GSK3B: variants seen among roughly 807,000 people sequenced by gnomAD.
The protein encoded by GSK3B is glycogen synthase kinase-3 beta.
GSK3B carries 15 observed loss-of-function variants against 56.4 expected under a neutral mutation model. The observed-to-expected ratio is 0.27, with a 90% CI of 0.18 to 0.41. The LOEUF is 0.41. GSK3B is among the 10% of genes least tolerant of loss of function. The pLI is 1.00. For synonymous variants in GSK3B, 181 were observed against 188.9 expected (o/e 0.96, Z 0.34); for missense variants, 300 against 513.4 (o/e 0.58, Z 4.02).
At chr3:119,988,904 A>T (rs2057539203) in intron 2 of GSK3B, among the ~76,000 whole-genome samples, 3 of 152,228 alleles carry the variant, frequency 2.0e-5, no homozygotes, top group African/African-American at 7.2e-5. Context: ...TTTTAATAAA[A>T]ATGGGAAACT....
chr3:119,847,368 T>C (rs2055870085), intron 9 of GSK3B, among the ~76,000 whole-genome samples: 1 of 151,848 alleles, frequency 6.6e-6, no homozygotes, highest in Non-Finnish European at 1.5e-5. Flanking sequence ...TGATCCCAGG[T>C]ACTTGGGAGG....
At chr3:120,030,534 C>A (rs1274419666) in intron 1 of GSK3B, among the ~76,000 whole-genome samples, 1 of 152,214 alleles carries the variant, frequency 6.6e-6, no homozygotes, top group African/African-American at 2.4e-5. Flanking sequence ...CCCTTGCTCA[C>A]AATCCTTCAG....
intron 7 of GSK3B, among the ~76,000 whole-genome samples, chr3:119,886,646 G>T (rs1359961630): frequency 6.6e-6 from 1 of 152,050 alleles, no homozygotes; most frequent in Non-Finnish European, 1.5e-5. Context: ...CAGTGGACTA[G>T]ATAAAGAAAA....
chr3:119,882,658 T>C (rs764719372), intron 7 of GSK3B, among the ~76,000 whole-genome samples: 5 of 152,174 alleles, frequency 3.3e-5, no homozygotes, highest in Non-Finnish European at 4.4e-5. Context: ...CTTTAATATA[T>C]ACCAGAAAAT....
At chr3:119,973,481 A>T (rs1041274166) in intron 2 of GSK3B, among the ~76,000 whole-genome samples, 1 of 152,140 alleles carries the variant, frequency 6.6e-6, no homozygotes, top group African/African-American at 2.4e-5. Context: ...AGGATCATTC[A>T]CAGCAGATTA....
In GSK3B at chr3:119,992,976, G is replaced by C. The variant is rs955395602; in HGVS notation, c.282+9070C>G. On this transcript the variant is annotated intron_variant, in intron 2 of 10. Transcript: ENST00000264235. ...CAACAGGCACTCATACTTAACTAGA[G>C]AGAATGCAAATTGGTATAACCTTTA... Among the ~76,000 whole-genome samples, 23 of 151,262 alleles carry C rather than the reference G, an allele frequency of 1.5e-4. 1 individual carries two copies. Among genetic ancestry groups the C allele is most frequent in the Admixed American group, 1.2e-3 (18 of 15,196 alleles).
intron 3 of GSK3B, 79 bp from the exon 4 acceptor site, chr3:119,923,562 C>T: frequency 1.7e-6 from 1 of 587,488 alleles, no homozygotes; most frequent in Non-Finnish European, 2.9e-6. Flanking sequence ...AGAGTAAATT[C>T]TCTAGATATT....
At chr3:119,959,648 G>A (rs958624633) in intron 2 of GSK3B, among the ~76,000 whole-genome samples, 3 of 151,596 alleles carry the variant, frequency 2.0e-5, no homozygotes, top group Non-Finnish European at 2.9e-5. Flanking sequence ...CTGAGTAGCT[G>A]GGATTACACG....
At chr3:119,891,692 C>A (rs1258417735) in intron 7 of GSK3B, among the ~76,000 whole-genome samples, 1 of 151,908 alleles carries the variant, frequency 6.6e-6, no homozygotes, top group Non-Finnish European at 1.5e-5. Context: ...AAACTGAGTC[C>A]TTTTTTGACT....
intron 3 of GSK3B, among the ~76,000 whole-genome samples, chr3:119,936,144 A>C (rs1247859911): frequency 6.6e-6 from 1 of 151,904 alleles, no homozygotes; most frequent in African/African-American, 2.4e-5. Context: ...GAAAGACTGA[A>C]TGCTTTGCCA....
chr3:119,935,831 T>C (rs1394608915), intron 3 of GSK3B, among the ~76,000 whole-genome samples: 1 of 152,138 alleles, frequency 6.6e-6, no homozygotes, highest in Non-Finnish European at 1.5e-5. Flanking sequence ...ATATCCCTTA[T>C]GAATATAGAT....
At chr3:119,846,009 T>C (rs2055850772) in intron 9 of GSK3B, among the ~76,000 whole-genome samples, 1 of 152,240 alleles carries the variant, frequency 6.6e-6, no homozygotes, top group East Asian at 1.9e-4. Context: ...TCTACAACCA[T>C]CTGATCTTTG....
chr3:119,995,572 C>T (rs144160202), intron 2 of GSK3B, among the ~76,000 whole-genome samples: 1 of 151,278 alleles, frequency 6.6e-6, no homozygotes, highest in African/African-American at 2.4e-5. Flanking sequence ...TCAAGTGATT[C>T]TCCTGCCTCA....
chr3:119,882,949 C>T (rs115647808), intron 7 of GSK3B, among the ~76,000 whole-genome samples: 2,436 of 152,194 alleles, frequency 0.016, 33 homozygotes, highest in Non-Finnish European at 0.026. Context: ...GCTTTAACTA[C>T]CAACCTGTAA....
rs5852229 is a variant in GSK3B at position 119,862,524 on chromosome 3, T to TAA, written c.1096+893_1096+894dup. ...ATGTACCCTAAAACTTAGAGTATAA[T>TAA]AAAAAAAAAAAAAAAAAAAGAAAGA... On this transcript the variant is annotated intron_variant, in intron 9 of 10. Coordinates refer to ENST00000264235, the MANE Select transcript of GSK3B (RefSeq NM_001146156.2). Among the ~76,000 whole-genome samples the TAA allele has an allele frequency of 9.5e-3, 1,065 of 111,820 alleles. 18 individuals are homozygous for TAA. The highest frequency in any genetic ancestry group is 0.037 in the South Asian group (125 of 3,356). 73.4% of individuals were successfully genotyped at this position (111,820 alleles called of 152,430 possible). A position where few individuals can be genotyped will look rare whatever the true frequency, so the allele number is the denominator to read the frequency against.
At chr3:119,847,938 A>C (rs1247251831) in intron 9 of GSK3B, among the ~76,000 whole-genome samples, 1 of 152,234 alleles carries the variant, frequency 6.6e-6, no homozygotes, top group Non-Finnish European at 1.5e-5. Context: ...ATGGCAGATA[A>C]GACTTATCTA....
In GSK3B at chr3:119,869,223, C is replaced by CA. The variant is rs67194724; in HGVS notation, c.910-5619dup. On this transcript the variant is annotated intron_variant, in intron 8 of 10. Coordinates refer to ENST00000264235, the MANE Select transcript of GSK3B (RefSeq NM_001146156.2). ...TGGGCAACAGATCAAGATTCCATCT[C>CA]AAAAAAAAAAAAAAAAAAAAAAACA... 2.6e-4 allele frequency among the ~76,000 whole-genome samples: 14 copies of CA among 54,844 alleles called. 7 individuals carry two copies. The highest frequency in any genetic ancestry group is 2.2e-3 in the South Asian group (2 of 898). The allele number at this position is 54,844 out of a possible 152,430, so 36.0% of individuals were successfully genotyped here.
intron 7 of GSK3B, among the ~76,000 whole-genome samples, chr3:119,888,943 T>C (rs934202572): frequency 4.6e-5 from 7 of 152,070 alleles, no homozygotes; most frequent in African/African-American, 1.2e-4. Flanking sequence ...CCTGGTAAAT[T>C]TGAGGTCAGA....
At chr3:119,895,877 A>G (rs2056557530) in intron 7 of GSK3B, among the ~76,000 whole-genome samples, 1 of 152,218 alleles carries the variant, frequency 6.6e-6, no homozygotes, top group Admixed American at 6.5e-5. Flanking sequence ...TAATCCCAGC[A>G]CTTCGGGAGG....
Sources: gnomAD v4.1 joint callset for allele counts (sites outside exome capture counted in the v4.1 genomes callset) on GRCh38, gnomAD v4.1.1 for gene constraint, MANE v1.5 for transcripts, NCBI Gene and HGNC (gene_info 2026-07-23, HGNC 2026-07-21) for gene names.